Variants in PPIH observed in about 807,000 individuals in gnomAD.
PPIH encodes peptidyl-prolyl cis-trans isomerase H.
PPIH carries 16 observed loss-of-function variants against 27.6 expected under a neutral mutation model. The ratio of observed to expected loss-of-function variants is 0.58; its 90% confidence interval spans 0.39 to 0.88. PPIH has a LOEUF of 0.88. PPIH is among the 40% of genes least tolerant of loss of function. The probability of loss-of-function intolerance (pLI) is 0.00; values close to 1 mark genes in which losing one functional copy is unlikely to be tolerated. For synonymous variants in PPIH, 63 were observed against 76.1 expected (o/e 0.83, Z 0.90); for missense variants, 155 against 224.1 (o/e 0.69, Z 1.97).
In PPIH at chr1:42,659,190, TC is replaced by T. The variant is rs1648856431; in HGVS notation, c.132-37del. ...TTTAGAGGCGCTCACGACTGTGACA[TC>T]ATAGTGATTGAATCATTCATTTTTT... On this transcript the variant is annotated intron_variant, in intron 2 of 9. Transcript: ENST00000304979. The T allele has an allele frequency of 1.9e-6, 3 of 1,613,662 alleles. No homozygotes were observed. In the African/African-American group the frequency reaches 4.0e-5, roughly 22 times the overall value.
At chr1:42,666,676 G>A (rs1277809000) in intron 8 of PPIH, 89 bp downstream of exon 8, 2 of 1,341,518 alleles carry the variant, frequency 1.5e-6, no homozygotes, top group South Asian at 1.2e-5. Flanking sequence ...GGGGGAATGA[G>A]CTCCAGTTTG....
rs1649396417 is a variant in PPIH at position 42,667,366 on chromosome 1, C to T, written c.481C>T (p.Pro161Ser). Reference sequence around the variant, plus strand: ...TTTTTCCTAGAATGTTCCCACAGGCCCCAACAATAAGCCCAAGCTACCTGT... The same window carrying T: ...TTTTTCCTAGAATGTTCCCACAGGCTCCAACAATAAGCCCAAGCTACCTGT... ...MRKIENVPTGPNNKPKLPVVI... is the reference protein window; with the variant it reads ...MRKIENVPTGSNNKPKLPVVI... The change falls in exon 9 of 10, where the codon CCC becomes TCC. Residue 161 changes from proline (P) to serine (S), a missense_variant. By Grantham distance (74) the Pro-to-Ser change is moderately conservative. Transcript: ENST00000304979. The T allele has an allele frequency of 6.2e-7, 1 of 1,607,644 alleles. No individual in the cohort carries two copies. Among genetic ancestry groups the T allele is most frequent in the Non-Finnish European group, 8.5e-7 (1 of 1,174,204 alleles).
intron 3 of PPIH, 67 bp downstream of exon 3, chr1:42,659,318 T>C (rs2148708032): frequency 6.2e-7 from 1 of 1,614,202 alleles, no homozygotes; most frequent in African/African-American, 1.3e-5. Flanking sequence ...GCAGTGAGGG[T>C]ATCGGTGAAC....
rs11297325 is a variant in PPIH at position 42,669,194 on chromosome 1, CAAAAA to C, written c.*21+1766_*21+1770del. On this transcript the variant is annotated intron_variant, in intron 9 of 9. Transcript: ENST00000304979. ...CACTGTACTCCAGCCTGGATGACAT[CAAAAA>C]AAAAAAAAAAAGGAAAAGAAAAACC... Among the ~76,000 whole-genome samples, 18 of 131,546 alleles carry C rather than the reference CAAAAA, an allele frequency of 1.4e-4. No individual in the cohort carries two copies. The South Asian group carries it at 3.0e-3, about 22-fold the overall frequency. The allele number at this position is 131,546 out of a possible 152,430, so 86.3% of individuals were successfully genotyped here.
intron 5 of PPIH, among the ~76,000 whole-genome samples, chr1:42,661,790 C>T (rs1649036452): frequency 6.6e-6 from 1 of 151,998 alleles, no homozygotes; most frequent in Non-Finnish European, 1.5e-5. Context: ...ACGTTTTTAC[C>T]TATGTTTTGA....
At chr1:42,677,346 G>C (rs1649922417), downstream of PPIH, among the ~76,000 whole-genome samples, 1 of 152,058 alleles carries the variant, frequency 6.6e-6, no homozygotes, top group East Asian at 1.9e-4. Context: ...GCACGTACCT[G>C]TAATCCCAGC....
chr1:42,668,982 G>A (rs1033200576), intron 9 of PPIH, among the ~76,000 whole-genome samples: 1 of 152,030 alleles, frequency 6.6e-6, no homozygotes, highest in Non-Finnish European at 1.5e-5. Context: ...GGCCAAGGAG[G>A]GCAGATAGCT....
At chr1:42,670,996 G>A (rs1482942120) in intron 9 of PPIH, among the ~76,000 whole-genome samples, 6 of 152,112 alleles carry the variant, frequency 3.9e-5, no homozygotes, top group South Asian at 2.1e-4. Context: ...GGGTTTCATC[G>A]TGTTAGCCAT....
In PPIH at chr1:42,660,851, C is replaced by T; in HGVS notation, c.201-11C>T. 1 of 1,593,744 alleles carries T rather than the reference C, an allele frequency of 6.3e-7. No homozygotes were observed. Among genetic ancestry groups the T allele is most frequent in the Non-Finnish European group, 8.5e-7 (1 of 1,170,476 alleles). ...TAAAATCTTCTCAGTATTCTTTGCT[C>T]TCTGTTTCAGGGTCATAAAGGATTT... On this transcript the variant is annotated splice_polypyrimidine_tract_variant and intron_variant, in intron 4 of 9. Coordinates refer to ENST00000304979, the MANE Select transcript of PPIH (RefSeq NM_006347.4).
At chr1:42,663,470 T>C (rs1269576443) in intron 5 of PPIH, among the ~76,000 whole-genome samples, 3 of 152,150 alleles carry the variant, frequency 2.0e-5, no homozygotes, top group East Asian at 3.9e-4. Flanking sequence ...GATCTTGGCT[T>C]ACTGCAACCT....
At chr1:42,661,794 G>GT (rs1360242030) in intron 5 of PPIH, among the ~76,000 whole-genome samples, 1 of 152,024 alleles carries the variant, frequency 6.6e-6, no homozygotes, top group Non-Finnish European at 1.5e-5. Context: ...TTTTACCTAT[G>GT]TTTTGATTCA....
intron 6 of PPIH, 85 bp from the exon 7 acceptor site, chr1:42,665,895 C>G (rs1190617661): frequency 2.8e-6 from 3 of 1,067,860 alleles, no homozygotes; most frequent in Non-Finnish European, 4.4e-6. Flanking sequence ...ATAGAGGAAT[C>G]AGTGTTACAA....
downstream of PPIH, among the ~76,000 whole-genome samples, chr1:42,678,534 GGACTACAGGCACATGC>G (rs1649952194): frequency 6.6e-6 from 1 of 152,136 alleles, no homozygotes; most frequent in South Asian, 2.1e-4. Context: ...CGAGTAGCTG[GGACTACAGGCACATGC>G]CACCGTGCCC....
At chr1:42,673,924 G>A (rs904036329) in intron 9 of PPIH, among the ~76,000 whole-genome samples, 2 of 152,246 alleles carry the variant, frequency 1.3e-5, no homozygotes, top group African/African-American at 4.8e-5. Context: ...AGGAAACACT[G>A]TGTTTCATTC....
At chr1:42,677,503 G>C (rs572839891), downstream of PPIH, among the ~76,000 whole-genome samples, 168 of 152,160 alleles carry the variant, frequency 1.1e-3, 4 homozygotes, top group South Asian at 0.033. Context: ...AAAGGAAACA[G>C]TTCAACATAT....
chr1:42,677,865 C>T (rs1467354826), downstream of PPIH, among the ~76,000 whole-genome samples: 1 of 152,216 alleles, frequency 6.6e-6, no homozygotes, highest in Non-Finnish European at 1.5e-5. Context: ...ATGTTTCTTT[C>T]ATGAGGCACT....
intron 5 of PPIH, 105 bp downstream of exon 5, chr1:42,661,009 C>G (rs982139873): frequency 1.6e-4 from 177 of 1,074,150 alleles, no homozygotes; most frequent in Non-Finnish European, 1.3e-4. Context: ...GGCTTGAGAA[C>G]AATAGCCAGG....
downstream of PPIH, among the ~76,000 whole-genome samples, chr1:42,679,375 A>G (rs1043417025): frequency 6.6e-6 from 1 of 152,144 alleles, no homozygotes; most frequent in African/African-American, 2.4e-5. Context: ...TTTTTAGTAG[A>G]GATGGGGTTT....
intron 5 of PPIH, among the ~76,000 whole-genome samples, chr1:42,663,503 C>T (rs1009965864): frequency 9.9e-5 from 15 of 151,966 alleles, no homozygotes; most frequent in Non-Finnish European, 1.9e-4. Flanking sequence ...TGGGTTCAAG[C>T]GATTCTCGTG....
Sources: gnomAD v4.1 joint callset for allele counts (sites outside exome capture counted in the v4.1 genomes callset) on GRCh38, gnomAD v4.1.1 for gene constraint, MANE v1.5 for transcripts, NCBI Gene and HGNC (gene_info 2026-07-23, HGNC 2026-07-21) for gene names.